The following AKAP11 variants were observed in gnomAD, a reference collection of about 807,000 sequenced individuals.
The protein encoded by AKAP11 is A-kinase anchor protein 11.
In AKAP11, 36 loss-of-function variants were observed where a neutral mutation model predicts 146.1. That is an observed-to-expected ratio of 0.25 (90% CI 0.19 to 0.33). The LOEUF (loss-of-function observed/expected upper bound fraction) is 0.33, where lower values mean the gene tolerates loss of function less well. AKAP11 is among the 10% of genes least tolerant of loss of function. The pLI is 1.00. For missense variants in AKAP11, 2,201 were observed against 2,197.0 expected, an observed-to-expected ratio of 1.00 and a Z score of -0.04; for synonymous variants, 780 against 786.5, an observed-to-expected ratio of 0.99 and a Z score of 0.14.
intron 8 of AKAP11, among the ~76,000 whole-genome samples, chr13:42,306,262 TA>T (rs780462052): frequency 7.4e-4 from 113 of 152,328 alleles, no homozygotes; most frequent in Non-Finnish European, 1.3e-3. Context: ...ATTTTCCTCA[TA>T]CAGGTTGCTT....
intron 1 of AKAP11, among the ~76,000 whole-genome samples, chr13:42,279,647 G>C (rs912952278): frequency 6.6e-6 from 1 of 151,884 alleles, no homozygotes; most frequent in African/African-American, 2.4e-5. Flanking sequence ...ATCCTTTTCT[G>C]TTCCTGCCAT....
At chr13:42,273,594 A>G (rs1251499427) in intron 1 of AKAP11, among the ~76,000 whole-genome samples, 1 of 152,120 alleles carries the variant, frequency 6.6e-6, no homozygotes, top group Admixed American at 6.5e-5. Flanking sequence ...AGTATCGACA[A>G]TATTGATAAG....
chr13:42,312,958 T>C (rs550554946), intron 9 of AKAP11, 89 bp from the exon 10 acceptor site: 2 of 1,069,618 alleles, frequency 1.9e-6, no homozygotes, highest in African/African-American at 3.2e-5. Flanking sequence ...CATCTGCAGT[T>C]ATCAAGGACA....
intron 8 of AKAP11, 22 bp downstream of exon 8, chr13:42,303,885 G>A (rs781559848): frequency 6.5e-7 from 1 of 1,539,382 alleles, no homozygotes; most frequent in Non-Finnish European, 8.7e-7. Flanking sequence ...GTTTCTTTTG[G>A]TTGTTAATGA....
At chr13:42,281,688 C>T (rs144339926) in intron 1 of AKAP11, among the ~76,000 whole-genome samples, 1 of 152,048 alleles carries the variant, frequency 6.6e-6, no homozygotes, top group African/African-American at 2.4e-5. Flanking sequence ...AATGTCTGTA[C>T]TCATCTAGTG....
At chr13:42,276,404 G>A (rs79798627) in intron 1 of AKAP11, among the ~76,000 whole-genome samples, 3 of 151,944 alleles carry the variant, frequency 2.0e-5, no homozygotes, top group Non-Finnish European at 4.4e-5. Flanking sequence ...GTGCTACCAC[G>A]CCTAGCTAAT....
intron 8 of AKAP11, among the ~76,000 whole-genome samples, chr13:42,306,569 A>G (rs536577034): frequency 6.6e-6 from 1 of 152,270 alleles, no homozygotes; most frequent in Non-Finnish European, 1.5e-5. Context: ...TCTCTTCTTA[A>G]TAATTGTGCT....
In AKAP11 at chr13:42,278,368, C is replaced by T. The variant is rs576877409; in HGVS notation, c.-100+6140C>T. On this transcript the variant is annotated intron_variant, in intron 1 of 12. Coordinates refer to ENST00000025301, the MANE Select transcript of AKAP11 (RefSeq NM_016248.4). ...TTGTAAGTCAAATAACAGGTCTGTACCCAAGAAAGGAACTTAGCTTCCTTA... is the reference window on the plus strand; with the variant it reads ...TTGTAAGTCAAATAACAGGTCTGTATCCAAGAAAGGAACTTAGCTTCCTTA... Among the ~76,000 whole-genome samples the T allele has an allele frequency of 3.9e-5, 6 of 152,202 alleles. No homozygotes were observed. In the South Asian group the frequency reaches 1.2e-3, roughly 32 times the overall value.
intron 3 of AKAP11, among the ~76,000 whole-genome samples, chr13:42,288,722 C>A (rs1331561705): frequency 6.6e-6 from 1 of 152,120 alleles, no homozygotes; most frequent in Non-Finnish European, 1.5e-5. Flanking sequence ...AGAATTTTTC[C>A]TTTTTTTCTT....
At chr13:42,282,318 T>A (rs1012777643) in intron 1 of AKAP11, among the ~76,000 whole-genome samples, 1 of 151,180 alleles carries the variant, frequency 6.6e-6, no homozygotes, top group African/African-American at 2.4e-5. Flanking sequence ...AACACCATTC[T>A]GCAACTTGCT....
chr13:42,305,590 C>T (rs567283595), intron 8 of AKAP11, among the ~76,000 whole-genome samples: 1 of 152,188 alleles, frequency 6.6e-6, no homozygotes, highest in Non-Finnish European at 1.5e-5. Context: ...ATTCAAATTT[C>T]AGTATTTATA....
Position 42,302,541 on chromosome 13 carries a change from A to G in AKAP11, c.3795A>G (p.Ala1265=), listed in dbSNP as rs750819409. 6.2e-7 allele frequency: 1 copy of G among 1,614,200 alleles called. No individual in the cohort carries two copies. Among genetic ancestry groups the G allele is most frequent in the East Asian group, 2.2e-5 (1 of 44,884 alleles). The change falls in exon 8 of 13, where the codon GCA becomes GCG. Residue 1265 remains alanine (A), a synonymous_variant. Coordinates refer to ENST00000025301, the MANE Select transcript of AKAP11 (RefSeq NM_016248.4). ...TLCNFAGDLA[A]EVITEAEKIA... Reference sequence around the variant, plus strand: ...GCAATTTTGCGGGTGATCTGGCAGCAGAAGTCATTACAGAAGCTGAGAAAA... The same window carrying G: ...GCAATTTTGCGGGTGATCTGGCAGCGGAAGTCATTACAGAAGCTGAGAAAA...
chr13:42,316,484 G>A (rs1240613255), intron 11 of AKAP11, among the ~76,000 whole-genome samples: 1 of 152,158 alleles, frequency 6.6e-6, no homozygotes, highest in Non-Finnish European at 1.5e-5. Context: ...CCCTCTTTGT[G>A]ATGAAAACAT....
rs766509096 is a variant in AKAP11, at chr13:42,303,259, C to G, written c.4513C>G (p.Pro1505Ala). ...YEEDNECHVT[P>A]ELPKSLQPSS... ...AGAAGATAATGAGTGTCACGTTACACCAGAATTGCCTAAGTCTCTTCAGCC... is the reference window on the plus strand; with the variant it reads ...AGAAGATAATGAGTGTCACGTTACAGCAGAATTGCCTAAGTCTCTTCAGCC... Residue 1505 changes from proline (P) to alanine (A), a missense_variant, in exon 8 of 13, where the codon CCA (proline) becomes GCA (alanine). Coordinates refer to ENST00000025301, the MANE Select transcript of AKAP11 (RefSeq NM_016248.4). 1 of 1,613,646 alleles carries G rather than the reference C, an allele frequency of 6.2e-7. No homozygotes were observed. Among genetic ancestry groups the G allele is most frequent in the Non-Finnish European group, 8.5e-7 (1 of 1,180,006 alleles).
At chr13:42,273,342 T>C (rs1958826578) in intron 1 of AKAP11, among the ~76,000 whole-genome samples, 1 of 152,088 alleles carries the variant, frequency 6.6e-6, no homozygotes, top group African/African-American at 2.4e-5. Context: ...TCAGTTAAAA[T>C]AGTGCAATTG....
intron 4 of AKAP11, among the ~76,000 whole-genome samples, chr13:42,293,677 G>A (rs1223377977): frequency 6.6e-6 from 1 of 152,124 alleles, no homozygotes; most frequent in African/African-American, 2.4e-5. Context: ...AGCTCGGATA[G>A]GTCGCAGTGC....
Position 42,300,471 on chromosome 13 carries a change from A to T in AKAP11, c.1725A>T (p.Ser575=). The change falls in exon 8 of 13, where the codon TCA becomes TCT. Residue 575 remains serine (S), a synonymous_variant. Transcript: ENST00000025301. ...AAGACTTACAGAAAGGAGTCTCTTC[A>T]TGTACCAATGCTTTGTACCACTTAG... ...AFKDLQKGVS[S]CTNALYHLAI... 6.2e-7 allele frequency: 1 copy of T among 1,614,104 alleles called. No individual in the cohort carries two copies. Among genetic ancestry groups the T allele is most frequent in the South Asian group, 1.1e-5 (1 of 91,076 alleles).
chr13:42,275,899 G>T (rs1040958751), intron 1 of AKAP11, among the ~76,000 whole-genome samples: 1 of 152,112 alleles, frequency 6.6e-6, no homozygotes, highest in Non-Finnish European at 1.5e-5. Context: ...ACAGGCTTCT[G>T]GTCGTGTTCA....
At chr13:42,274,693 A>G (rs1210402942) in intron 1 of AKAP11, among the ~76,000 whole-genome samples, 2 of 152,236 alleles carry the variant, frequency 1.3e-5, no homozygotes, top group African/African-American at 4.8e-5. Context: ...TCAAAAAACA[A>G]CAACAAAAAA....
Sources: allele counts gnomAD v4.1 joint callset (sites outside exome capture counted in the v4.1 genomes callset), GRCh38; gene constraint gnomAD v4.1.1; transcripts MANE v1.5; gene names NCBI Gene and HGNC (gene_info 2026-07-23, HGNC 2026-07-21).